The following CSF2RB variants were observed in gnomAD, a reference collection of about 807,000 sequenced individuals.
CSF2RB encodes the protein colony stimulating factor 2 receptor subunit beta.
A neutral mutation model predicts 67.2 loss-of-function variants in CSF2RB; 22 were observed. The ratio of observed to expected loss-of-function variants is 0.33; its 90% CI spans 0.23 to 0.47. The LOEUF (loss-of-function observed/expected upper bound fraction) is 0.47, where lower values mean the gene tolerates loss of function less well. Among genes scored for constraint, CSF2RB ranks in the 20% least tolerant of loss-of-function variants. The pLI, the probability that CSF2RB is intolerant of heterozygous loss-of-function variation, is 1.00. For synonymous variants in CSF2RB, 507 were observed against 482.9 expected (o/e 1.05, Z -0.65); for missense variants, 1,113 against 1,174.5 (o/e 0.95, Z 0.76).
In CSF2RB at chr22:36,930,385, C is replaced by G. The variant is rs368637457; in HGVS notation, c.729C>G (p.Ala243=). The G allele has an allele frequency of 8.1e-6, 13 of 1,613,540 alleles. No homozygotes were observed. Among genetic ancestry groups the G allele is most frequent in the South Asian group, 1.1e-5 (1 of 91,040 alleles). ...CTGTCTCCAACCCAGGGGATGAGGC[C>G]CAGCCCCAGAACCTGGAGTGCTTCT... ...VCWDSQPGDE[A]QPQNLECFFD... The change falls in exon 7 of 14, where the codon GCC becomes GCG. Residue 243 remains alanine, a synonymous_variant. Coordinates refer to ENST00000403662, the MANE Select transcript of CSF2RB (RefSeq NM_000395.3).
rs530635758 is a variant in CSF2RB at position 36,935,771 on chromosome 22, C to T, written c.1464+84C>T. ...CTGTCCCCACCTCCTCCTTCCCTTC[C>T]TGTGGGCTTTGGGTGGTAGGGATGT... On this transcript the variant is annotated intron_variant, in intron 12 of 13. Transcript: ENST00000403662. The T allele has an allele frequency of 3.3e-5, 48 of 1,462,024 alleles. No individual in the cohort carries two copies. In the African/African-American group the frequency reaches 4.5e-4, roughly 14 times the overall value. 90.6% of individuals were successfully genotyped at this position (1,462,024 alleles called of 1,614,324 possible). A position where few individuals can be genotyped will look rare whatever the true frequency, so the allele number is the denominator to read the frequency against.
rs2239749 is a variant in CSF2RB at position 36,935,263 on chromosome 22, A to G, written c.1316-88A>G. 590,482 of 1,243,710 alleles carry G rather than the reference A, an allele frequency of 0.47. 146,978 individuals carry two copies. Among genetic ancestry groups the G allele is most frequent in the East Asian group, 0.84 (34,572 of 41,260 alleles). The allele number at this position is 1,243,710 out of a possible 1,614,324, so 77.0% of individuals were successfully genotyped here. ...TGGGCCTGCACAGAGCGGGGTCTTA[A>G]GGAATACTGCACCAACCCCACTCCC... On this transcript the variant is annotated intron_variant, in intron 10 of 13. Transcript: ENST00000403662.
At chr22:36,915,215 G>A (rs577763629) in intron 1 of CSF2RB, among the ~76,000 whole-genome samples, 1 of 152,162 alleles carries the variant, frequency 6.6e-6, no homozygotes, top group South Asian at 2.1e-4. Context: ...CTCCTGAGTA[G>A]CCGGGATTAC....
chr22:36,929,650 C>T lies in CSF2RB; in HGVS notation c.561C>T (p.Ile187=). ...CTGTCTCCTGACAGGACGCAGCCATCCTCCTCTCCAACACCTCCCAGGCCA... is the reference window on the plus strand; with the variant it reads ...CTGTCTCCTGACAGGACGCAGCCATTCTCCTCTCCAACACCTCCCAGGCCA... ...RLQDSWEDAA[I]LLSNTSQATL... The change falls in exon 6 of 14, where the codon ATC becomes ATT. Residue 187 remains isoleucine (I), a synonymous_variant. Coordinates refer to ENST00000403662, the MANE Select transcript of CSF2RB (RefSeq NM_000395.3). 3 of 1,614,244 alleles carry T rather than the reference C, an allele frequency of 1.9e-6. No homozygotes were observed. The highest frequency in any genetic ancestry group is 2.5e-6 in the Non-Finnish European group (3 of 1,180,036).
intron 1 of CSF2RB, among the ~76,000 whole-genome samples, chr22:36,914,392 T>G (rs1393327979): frequency 4.8e-5 from 1 of 21,006 alleles, no homozygotes; most frequent in Non-Finnish European, 9.6e-5. Context: ...TCCAGCAATC[T>G]CTCTCTCTCT....
chr22:36,914,240 G>A (rs1440717125), intron 1 of CSF2RB, among the ~76,000 whole-genome samples: 1 of 152,138 alleles, frequency 6.6e-6, no homozygotes, highest in Non-Finnish European at 1.5e-5. Context: ...GGATGCAGGA[G>A]TGCAGAGAGA....
At position 36,938,637 on chromosome 22, in the gene CSF2RB, C is replaced by A; in HGVS notation, c.*135C>A. 1 of 919,148 alleles carries A rather than the reference C, an allele frequency of 1.1e-6. No individual in the cohort carries two copies. Among genetic ancestry groups the A allele is most frequent in the Non-Finnish European group, 1.6e-6 (1 of 625,780 alleles). The allele number at this position is 919,148 out of a possible 1,614,324, so 56.9% of individuals were successfully genotyped here. A position where few individuals can be genotyped will look rare whatever the true frequency, so the allele number is the denominator to read the frequency against. On this transcript the variant is annotated 3_prime_UTR_variant, in exon 14 of 14. Coordinates refer to ENST00000403662, the MANE Select transcript of CSF2RB (RefSeq NM_000395.3). ...CTAGAGGCCTGGGAAAGGAGATAGC[C>A]TTGCTCCGGCCCCCTTGACCTTCAG...
intron 1 of CSF2RB, among the ~76,000 whole-genome samples, chr22:36,919,366 T>C (rs551803131): frequency 6.6e-6 from 1 of 152,328 alleles, no homozygotes; most frequent in Non-Finnish European, 1.5e-5. Context: ...TTTTCATTTG[T>C]GGTATCCATT....
intron 6 of CSF2RB, among the ~76,000 whole-genome samples, 197 bp from the exon 7 acceptor site, chr22:36,930,178 G>A (rs779567223): frequency 6.6e-6 from 1 of 151,882 alleles, no homozygotes; most frequent in Non-Finnish European, 1.5e-5. Context: ...CCGGGAGGGC[G>A]TGCAGGTGCA....
intron 9 of CSF2RB, among the ~76,000 whole-genome samples, chr22:36,933,547 A>T (rs958700492): frequency 2.0e-5 from 3 of 152,214 alleles, no homozygotes; most frequent in Non-Finnish European, 4.4e-5. Context: ...AAGGGCTGGG[A>T]GCTGAGAAGG....
chr22:36,926,100 T>A lies in CSF2RB; in HGVS notation c.314T>A (p.Val105Asp). 1 of 1,614,196 alleles carries A rather than the reference T, an allele frequency of 6.2e-7. No individual in the cohort carries two copies. Among genetic ancestry groups the A allele is most frequent in the Non-Finnish European group, 8.5e-7 (1 of 1,180,026 alleles). ...RCVIPCQSFVVTDVDYFSFQP... is the reference protein window; with the variant it reads ...RCVIPCQSFVDTDVDYFSFQP... Reference sequence around the variant, plus strand: ...GTCATTCCCTGCCAGAGTTTTGTCGTCACTGACGTTGACTACTTCTCATTC... The same window carrying A: ...GTCATTCCCTGCCAGAGTTTTGTCGACACTGACGTTGACTACTTCTCATTC... Residue 105 changes from valine to aspartate, a missense_variant, in exon 4 of 14, where the codon GTC becomes GAC. Physicochemically the swap from Val to Asp is radical, Grantham distance 152. Transcript: ENST00000403662.
At chr22:36,926,222 A>G in intron 4 of CSF2RB, 45 bp downstream of exon 4, 2 of 1,594,744 alleles carry the variant, frequency 1.3e-6, no homozygotes, top group Non-Finnish European at 1.7e-6. Context: ...TCCTGTGTGG[A>G]CAGCGGGGGC....
intron 7 of CSF2RB, 40 bp downstream of exon 7, chr22:36,930,550 C>T (rs373990658): frequency 2.9e-4 from 474 of 1,612,064 alleles, no homozygotes; most frequent in Non-Finnish European, 3.9e-4. Flanking sequence ...CTCCTCTTGG[C>T]CTTGCTCTCT....
At chr22:36,932,482 T>C in intron 8 of CSF2RB, among the ~76,000 whole-genome samples, 1 of 146,424 alleles carries the variant, frequency 6.8e-6, no homozygotes, top group East Asian at 2.0e-4. Flanking sequence ...TAGAACCAAC[T>C]AACAGTGGTT....
intron 1 of CSF2RB, among the ~76,000 whole-genome samples, chr22:36,919,645 A>G (rs543143848): frequency 6.6e-6 from 1 of 151,938 alleles, no homozygotes; most frequent in South Asian, 2.1e-4. Context: ...TCCTGACCTC[A>G]AGTGATCTGC....
intron 3 of CSF2RB, among the ~76,000 whole-genome samples, chr22:36,923,611 G>A (rs1220773712): frequency 2.0e-5 from 3 of 152,202 alleles, no homozygotes; most frequent in Admixed American, 6.5e-5. Context: ...GACAATGGTG[G>A]TGGTGGCAAT....
chr22:36,934,287 G>C (rs535209863), intron 10 of CSF2RB, among the ~76,000 whole-genome samples: 2 of 152,302 alleles, frequency 1.3e-5, no homozygotes, highest in Admixed American at 1.3e-4. Context: ...GGCAGAGGAT[G>C]CCACATCTCT....
Position 36,926,122 on chromosome 22 carries a change from A to T in CSF2RB, c.336A>T (p.Ser112=), listed in dbSNP as rs1941011094. Reference sequence around the variant, plus strand: ...TCGTCACTGACGTTGACTACTTCTCATTCCAACCAGACAGGCCTCTGGGCA... The same window carrying T: ...TCGTCACTGACGTTGACTACTTCTCTTTCCAACCAGACAGGCCTCTGGGCA... ...SFVVTDVDYF[S]FQPDRPLGTR... The change falls in exon 4 of 14, where the codon TCA becomes TCT. Residue 112 remains serine, a synonymous_variant. Coordinates refer to ENST00000403662, the MANE Select transcript of CSF2RB (RefSeq NM_000395.3). 2 of 1,614,006 alleles carry T rather than the reference A, an allele frequency of 1.2e-6. No individual in the cohort carries two copies. Among genetic ancestry groups the T allele is most frequent in the Non-Finnish European group, 1.7e-6 (2 of 1,180,024 alleles).
At position 36,930,799 on chromosome 22, in the gene CSF2RB, G is replaced by A. The variant is rs372288492; in HGVS notation, c.981G>A (p.Arg327=). The A allele has an allele frequency of 6.2e-7, 1 of 1,613,978 alleles. No individual in the cohort carries two copies. Among genetic ancestry groups the A allele is most frequent in the African/African-American group, 1.3e-5 (1 of 74,882 alleles). Residue 327 remains arginine, a synonymous_variant, in exon 8 of 14, where the codon AGG becomes AGA. Coordinates refer to ENST00000403662, the MANE Select transcript of CSF2RB (RefSeq NM_000395.3). ...GQYIVSVQPR[R]AEKHIKSSVN... is the part of the protein sequence containing the mutation. ...ACATCGTCTCTGTTCAGCCAAGGAG[G>A]GCAGAGAAACACATAAAGAGCTCAG... is the stretch of plus-strand genomic sequence containing the variant.
Sources: allele counts gnomAD v4.1 joint callset (sites outside exome capture counted in the v4.1 genomes callset), GRCh38; gene constraint gnomAD v4.1.1; transcripts MANE v1.5; gene names NCBI Gene and HGNC (gene_info 2026-07-23, HGNC 2026-07-21).